Variants in COPG2 observed in about 807,000 individuals in gnomAD.
The protein encoded by COPG2 is coat protein complex I subunit gamma 2, also known as coatomer subunit gamma-2.
Under a neutral mutation model 46.3 loss-of-function variants are expected in COPG2, and 37 were observed. The ratio of observed to expected loss-of-function variants is 0.80; its 90% confidence interval spans 0.61 to 1.05. The LOEUF is 1.05. COPG2 is among the 50% of genes least tolerant of loss of function. The pLI, the probability that COPG2 is intolerant of heterozygous loss-of-function variation, is 0.00. For missense variants in COPG2, 427 were observed against 387.8 expected, an observed-to-expected ratio of 1.10 and a Z score of -0.85; for synonymous variants, 159 against 129.7, an observed-to-expected ratio of 1.23 and a Z score of -1.53.
At chr7:130,651,492 G>GTTTTTT (rs1795740990) in intron 5 of COPG2, among the ~76,000 whole-genome samples, 1 of 30,778 alleles carries the variant, frequency 3.2e-5, no homozygotes, top group Non-Finnish European at 7.1e-5. Context: ...TAATTTTTTT[G>GTTTTTT]TATTTTTTTT....
intron 5 of COPG2, among the ~76,000 whole-genome samples, chr7:130,637,207 T>A (rs1402703670): frequency 6.6e-6 from 1 of 152,186 alleles, no homozygotes. Flanking sequence ...TGTTGTGGGG[T>A]TGCTCTTCTC....
intron 4 of COPG2, among the ~76,000 whole-genome samples, chr7:130,661,196 T>C (rs531494276): frequency 1.3e-5 from 2 of 152,250 alleles, no homozygotes; most frequent in African/African-American, 2.4e-5. Flanking sequence ...TTTCTTAATA[T>C]AAACCTCTGT....
At chr7:130,567,810 A>C (rs1793828391) in intron 9 of COPG2, among the ~76,000 whole-genome samples, 1 of 152,224 alleles carries the variant, frequency 6.6e-6, no homozygotes, top group Admixed American at 6.5e-5. Flanking sequence ...CTGTAGAAGG[A>C]GTCCTAAATC....
At chr7:130,573,574 A>G (rs571844515) in intron 9 of COPG2, among the ~76,000 whole-genome samples, 1 of 152,218 alleles carries the variant, frequency 6.6e-6, no homozygotes, top group South Asian at 2.1e-4. Flanking sequence ...AATAATATAA[A>G]GGACAAAAAC....
At chr7:130,634,073 G>T (rs1795283282) in intron 5 of COPG2, among the ~76,000 whole-genome samples, 1 of 152,078 alleles carries the variant, frequency 6.6e-6, no homozygotes, top group African/African-American at 2.4e-5. Flanking sequence ...TTTTCCGTTG[G>T]TCTATGTATC....
chr7:130,571,515 C>A (rs1382106129), intron 9 of COPG2, among the ~76,000 whole-genome samples: 1 of 152,012 alleles, frequency 6.6e-6, no homozygotes. Flanking sequence ...CTTACTCCTG[C>A]AAGAATGGCC....
chr7:130,602,555 C>T (rs976214841), intron 9 of COPG2, among the ~76,000 whole-genome samples: 2 of 152,214 alleles, frequency 1.3e-5, no homozygotes, highest in Middle Eastern at 6.8e-3. Flanking sequence ...TCACTGCAAC[C>T]TCTGCCTCCT....
At position 130,509,533 on chromosome 7, in the gene COPG2, A is replaced by G. The variant is rs1340650404; in HGVS notation, c.2150-874T>C. The G allele has an allele frequency of 1.5e-5, 6 of 400,406 alleles. No homozygotes were observed. In the East Asian group the frequency reaches 4.3e-4, roughly 29 times the overall value. The allele number at this position is 400,406 out of a possible 1,614,324, so 24.8% of individuals were successfully genotyped here. ...GAGGAAAGAACAGGCTCAGATGTGA[A>G]GACCATATACGACAGATTGGGTAAT... On this transcript the variant is annotated intron_variant, in intron 20 of 23. Coordinates refer to ENST00000425248, the MANE Select transcript of COPG2 (RefSeq NM_012133.6).
At chr7:130,565,027 A>G (rs1793780510) in intron 9 of COPG2, among the ~76,000 whole-genome samples, 2 of 152,360 alleles carry the variant, frequency 1.3e-5, no homozygotes, top group South Asian at 4.1e-4. Context: ...AAAACTTAAA[A>G]GGAAAATTTG....
intron 14 of COPG2, among the ~76,000 whole-genome samples, chr7:130,553,486 T>G (rs975265784): frequency 6.6e-6 from 1 of 152,002 alleles, no homozygotes; most frequent in Admixed American, 6.6e-5. Context: ...GAGACACAAT[T>G]GAAAGCGCTT....
At chr7:130,572,034 C>A (rs1906544) in intron 9 of COPG2, among the ~76,000 whole-genome samples, 27 of 151,990 alleles carry the variant, frequency 1.8e-4, no homozygotes, top group African/African-American at 6.5e-4. Context: ...AAGGTGGGAG[C>A]TAAGCTATGA....
rs1479299803 is a variant in COPG2, at chr7:130,644,901, A to C, written c.323+7968T>G. ...ATATGGTGAAACCCCTTCTCTACTAAAAATACAAAAATTAGCCGGGTGTGG... is the reference window on the plus strand; with the variant it reads ...ATATGGTGAAACCCCTTCTCTACTACAAATACAAAAATTAGCCGGGTGTGG... On this transcript the variant is annotated intron_variant, in intron 5 of 23. Transcript: ENST00000425248. Among the ~76,000 whole-genome samples, 4 of 151,866 alleles carry C rather than the reference A, an allele frequency of 2.6e-5. No individual in the cohort carries two copies. The South Asian group carries it at 8.3e-4, about 32-fold the overall frequency.
chr7:130,550,664 G>A lies in COPG2; in HGVS notation c.1649-15C>T. ...GACCGTCAAACCTGTGAAACATAGA[G>A]AAATCTCAGCATTATAACCTCTTGC... On this transcript the variant is annotated splice_polypyrimidine_tract_variant and intron_variant, in intron 16 of 23. Transcript: ENST00000425248. The A allele has an allele frequency of 5.0e-6, 2 of 396,664 alleles. No individual in the cohort carries two copies. Among genetic ancestry groups the A allele is most frequent in the African/African-American group, 2.1e-5 (1 of 48,600 alleles). The allele number at this position is 396,664 out of a possible 1,614,324, so 24.6% of individuals were successfully genotyped here. A position where few individuals can be genotyped will look rare whatever the true frequency, so the allele number is the denominator to read the frequency against.
intron 4 of COPG2, among the ~76,000 whole-genome samples, chr7:130,653,592 C>T (rs1265285040): frequency 6.6e-6 from 1 of 152,168 alleles, no homozygotes; most frequent in African/African-American, 2.4e-5. Flanking sequence ...GCTAACAATG[C>T]TCCACCTACT....
intron 20 of COPG2, among the ~76,000 whole-genome samples, chr7:130,529,099 G>A (rs1336793256): frequency 1.3e-5 from 2 of 152,190 alleles, no homozygotes; most frequent in Non-Finnish European, 2.9e-5. Context: ...ATTGTCTCCA[G>A]CATAGTAGAA....
rs1166452256 is a variant in COPG2 at position 130,622,224 on chromosome 7, A to G, written c.324-5159T>C. Among the ~76,000 whole-genome samples, 8 of 152,148 alleles carry G rather than the reference A, an allele frequency of 5.3e-5. 1 individual carries two copies. The highest frequency in any genetic ancestry group is 5.2e-4 in the Admixed American group (8 of 15,274). On this transcript the variant is annotated intron_variant, in intron 5 of 23. Transcript: ENST00000425248. ...TTATTTAATGAGCAATCTTCCGAGGAGCCTTATGAAATACATCTCAGAACC... is the reference window on the plus strand; with the variant it reads ...TTATTTAATGAGCAATCTTCCGAGGGGCCTTATGAAATACATCTCAGAACC...
intron 9 of COPG2, chr7:130,610,053 C>G: frequency 1.9e-6 from 1 of 518,138 alleles, no homozygotes; most frequent in Non-Finnish European, 3.9e-6. Flanking sequence ...TGTGGGTCAT[C>G]TGTAAGTCAG....
Position 130,509,875 on chromosome 7 carries a change from AC to A in COPG2, c.2150-1217del, listed in dbSNP as rs1315665265. 9 of 489,968 alleles carry A rather than the reference AC, an allele frequency of 1.8e-5. No individual in the cohort carries two copies. The Admixed American group carries it at 1.9e-4, about 11-fold the overall frequency. 30.4% of individuals were successfully genotyped at this position (489,968 alleles called of 1,614,324 possible). A position where few individuals can be genotyped will look rare whatever the true frequency, so the allele number is the denominator to read the frequency against. ...CTGGGAAAACTGTAAAAAATGTGAA[AC>A]GATATAATAGTTTAACTGGCTCTCA... is the stretch of plus-strand genomic sequence containing the variant. On this transcript the variant is annotated intron_variant, in intron 20 of 23. Transcript: ENST00000425248.
intron 20 of COPG2, among the ~76,000 whole-genome samples, chr7:130,524,467 A>G (rs1046467007): frequency 2.0e-5 from 3 of 152,160 alleles, no homozygotes; most frequent in South Asian, 4.1e-4. Flanking sequence ...TTTGCAACAC[A>G]TGGGAGAGGA....
Sources: gnomAD v4.1 joint callset for allele counts (sites outside exome capture counted in the v4.1 genomes callset) on GRCh38, gnomAD v4.1.1 for gene constraint, MANE v1.5 for transcripts, NCBI Gene and HGNC (gene_info 2026-07-23, HGNC 2026-07-21) for gene names.